ADK: variants seen among roughly 807,000 people sequenced by gnomAD.
ADK encodes the protein adenosine kinase, also known as N6,N6-dimethyladenosine kinase.
A neutral mutation model predicts 44.7 loss-of-function variants in ADK; 24 were observed. The ratio of observed to expected loss-of-function variants is 0.54; its 90% CI spans 0.39 to 0.76. The LOEUF (loss-of-function observed/expected upper bound fraction) is 0.76. ADK is among the 30% of genes least tolerant of loss of function. The pLI is 0.00. For missense variants in ADK, 321 were observed against 425.1 expected, an observed-to-expected ratio of 0.76 and a Z score of 2.15; for synonymous variants, 128 against 142.6, an observed-to-expected ratio of 0.90 and a Z score of 0.73.
intron 9 of ADK, among the ~76,000 whole-genome samples, chr10:74,642,115 G>C (rs1391901548): frequency 1.3e-5 from 2 of 152,112 alleles, no homozygotes; most frequent in Non-Finnish European, 2.9e-5. Context: ...GCTGACTTCT[G>C]TTAACCAGAT....
chr10:74,462,426 T>C (rs569822166), intron 6 of ADK, among the ~76,000 whole-genome samples: 1 of 152,278 alleles, frequency 6.6e-6, no homozygotes, highest in South Asian at 2.1e-4. Context: ...GTATAGAAAG[T>C]ATTTTGAAAT....
chr10:74,682,981 A>C (rs1447760986), intron 10 of ADK, among the ~76,000 whole-genome samples: 1 of 152,210 alleles, frequency 6.6e-6, no homozygotes, highest in Non-Finnish European at 1.5e-5. Context: ...CTGAAAAATC[A>C]GTTTTCTAAA....
At chr10:74,459,351 T>C (rs1299476689) in intron 6 of ADK, among the ~76,000 whole-genome samples, 1 of 152,102 alleles carries the variant, frequency 6.6e-6, no homozygotes, top group Non-Finnish European at 1.5e-5. Context: ...CAGATTTCTT[T>C]AATGTGGGTT....
intron 3 of ADK, among the ~76,000 whole-genome samples, chr10:74,300,287 C>CTTCT (rs1839971662): frequency 3.6e-5 from 3 of 82,604 alleles, no homozygotes; most frequent in African/African-American, 1.5e-4. Flanking sequence ...TCCTTCCTTC[C>CTTCT]TTCCTTCCTT....
intron 8 of ADK, among the ~76,000 whole-genome samples, chr10:74,595,710 T>TTC: frequency 0.026 from 1 of 38 alleles, no homozygotes; most frequent in Non-Finnish European, 0.056. Context: ...AAATAGGCTA[T>TTC]ATGGCCGGGT....
intron 6 of ADK, among the ~76,000 whole-genome samples, chr10:74,465,525 A>C (rs1367644645): frequency 6.6e-6 from 1 of 152,192 alleles, no homozygotes; most frequent in Admixed American, 6.5e-5. Context: ...TCACTGTTAT[A>C]TGGACAAAAC....
chr10:74,199,177 C>G (rs1302430488), intron 1 of ADK, among the ~76,000 whole-genome samples: 1 of 152,114 alleles, frequency 6.6e-6, no homozygotes, highest in Non-Finnish European at 1.5e-5. Flanking sequence ...TGTACTCTTC[C>G]AGGATGTGCC....
chr10:74,658,287 T>C (rs1854567374), intron 9 of ADK, among the ~76,000 whole-genome samples: 1 of 152,180 alleles, frequency 6.6e-6, no homozygotes, highest in South Asian at 2.1e-4. Flanking sequence ...TAGCTCCTCT[T>C]ACCTAGGCAG....
chr10:74,492,679 A>T (rs1288572469), intron 6 of ADK, among the ~76,000 whole-genome samples: 1 of 152,164 alleles, frequency 6.6e-6, no homozygotes, highest in Non-Finnish European at 1.5e-5. Context: ...TGAAAAGTAT[A>T]GGCTGCTTAT....
intron 6 of ADK, among the ~76,000 whole-genome samples, chr10:74,409,491 T>G (rs938767195): frequency 6.6e-6 from 1 of 152,146 alleles, no homozygotes; most frequent in Non-Finnish European, 1.5e-5. Context: ...TTTGTGAGAG[T>G]ATGAGACTTG....
chr10:74,502,713 A>G (rs984100008), intron 6 of ADK, among the ~76,000 whole-genome samples: 31 of 152,182 alleles, frequency 2.0e-4, no homozygotes, highest in Admixed American at 7.9e-4. Context: ...GCATCTAGGG[A>G]GAAACATTTG....
intron 6 of ADK, among the ~76,000 whole-genome samples, chr10:74,520,838 A>C (rs1044266034): frequency 6.6e-6 from 1 of 152,110 alleles, no homozygotes; most frequent in South Asian, 2.1e-4. Flanking sequence ...TGTTATAATG[A>C]ATACAACAGT....
At chr10:74,224,514 G>A in intron 2 of ADK, 24 bp from the exon 3 acceptor site, 1 of 1,605,384 alleles carries the variant, frequency 6.2e-7, no homozygotes, top group Non-Finnish European at 8.5e-7. Flanking sequence ...TATGAAGAGT[G>A]TAATTTTCGT....
chr10:74,429,090 C>T (rs543950695), intron 6 of ADK, among the ~76,000 whole-genome samples: 1 of 152,236 alleles, frequency 6.6e-6, no homozygotes, highest in African/African-American at 2.4e-5. Flanking sequence ...ATTTTTGGAA[C>T]TTTTTGTACA....
intron 8 of ADK, among the ~76,000 whole-genome samples, chr10:74,596,860 T>C (rs1209806499): frequency 2.0e-5 from 3 of 152,208 alleles, no homozygotes; most frequent in African/African-American, 4.8e-5. Context: ...ATGAATACTT[T>C]AGAGCTTTAT....
chr10:74,388,713 G>T (rs1034854581), intron 4 of ADK, among the ~76,000 whole-genome samples: 2 of 152,052 alleles, frequency 1.3e-5, no homozygotes, highest in Non-Finnish European at 2.9e-5. Flanking sequence ...TAAAGTCTGA[G>T]ACCTTGATTG....
At chr10:74,545,792 A>G (rs1001753315) in intron 7 of ADK, among the ~76,000 whole-genome samples, 2 of 152,226 alleles carry the variant, frequency 1.3e-5, no homozygotes, top group Admixed American at 1.3e-4. Flanking sequence ...ATTGACTTGA[A>G]TAAAAGTAAA....
chr10:74,291,277 T>C (rs948118247), intron 3 of ADK, among the ~76,000 whole-genome samples: 53 of 151,964 alleles, frequency 3.5e-4, no homozygotes, highest in Non-Finnish European at 6.8e-4. Flanking sequence ...ATTAGCCGGG[T>C]GTGGTGGCAG....
chr10:74,406,798 A>G (rs1354429418), intron 6 of ADK, among the ~76,000 whole-genome samples: 2 of 151,790 alleles, frequency 1.3e-5, no homozygotes, highest in African/African-American at 4.8e-5. Flanking sequence ...CTCCTGCCTC[A>G]GCCTCCTGAG....
Sources: gnomAD v4.1 joint callset for allele counts (sites outside exome capture counted in the v4.1 genomes callset) on GRCh38, gnomAD v4.1.1 for gene constraint, MANE v1.5 for transcripts, NCBI Gene and HGNC (gene_info 2026-07-23, HGNC 2026-07-21) for gene names.